The following SLC4A10 variants were observed in gnomAD, a reference collection of about 807,000 sequenced individuals.
The protein encoded by SLC4A10 is solute carrier family 4 member 10, also known as sodium-driven chloride bicarbonate exchanger.
SLC4A10 carries 42 observed loss-of-function variants against 137.7 expected under a neutral mutation model. That is an observed-to-expected ratio of 0.30 (90% CI 0.24 to 0.39). The LOEUF (loss-of-function observed/expected upper bound fraction) is 0.39. SLC4A10 is among the 10% of genes least tolerant of loss of function. The probability of loss-of-function intolerance (pLI) is 1.00; values close to 1 mark genes in which losing one functional copy is unlikely to be tolerated. For missense variants in SLC4A10, 925 were observed against 1,355.0 expected (o/e 0.68, Z 4.98); for synonymous variants, 474 against 464.1 (o/e 1.02, Z -0.27).
chr2:161,687,526 T>C (rs2041566972), intron 1 of SLC4A10, among the ~76,000 whole-genome samples: 1 of 152,206 alleles, frequency 6.6e-6, no homozygotes, highest in Non-Finnish European at 1.5e-5. Flanking sequence ...TATAGCAATT[T>C]AAAACTTTAA....
intron 1 of SLC4A10, among the ~76,000 whole-genome samples, chr2:161,755,960 G>A (rs896470767): frequency 2.0e-5 from 3 of 151,762 alleles, no homozygotes; most frequent in Admixed American, 6.6e-5. Context: ...TAGTAAAGAC[G>A]GGGTTTCTCC....
chr2:161,684,134 T>A (rs558976633), intron 1 of SLC4A10, among the ~76,000 whole-genome samples: 1 of 152,300 alleles, frequency 6.6e-6, no homozygotes, highest in African/African-American at 2.4e-5. Context: ...TGGAATCATA[T>A]AGTACTTGTC....
chr2:161,976,398 G>A (rs1210910895), intron 24 of SLC4A10, among the ~76,000 whole-genome samples: 4 of 152,126 alleles, frequency 2.6e-5, no homozygotes, highest in Non-Finnish European at 5.9e-5. Flanking sequence ...GAGGCACTTA[G>A]AGAAGTCAGA....
chr2:161,863,394 A>G (rs2060543502), intron 6 of SLC4A10, among the ~76,000 whole-genome samples: 1 of 152,208 alleles, frequency 6.6e-6, no homozygotes, highest in East Asian at 1.9e-4. Flanking sequence ...TGTAGCTTAA[A>G]AATGTAATGC....
intron 1 of SLC4A10, among the ~76,000 whole-genome samples, chr2:161,713,625 G>A (rs1011169426): frequency 6.6e-6 from 1 of 151,756 alleles, no homozygotes; most frequent in African/African-American, 2.4e-5. Context: ...AATCTAGTGG[G>A]ATCATTTTAA....
chr2:161,770,987 A>T lies in SLC4A10; in HGVS notation c.63A>T (p.Glu21Asp). The T allele has an allele frequency of 1.2e-6, 2 of 1,605,444 alleles. No homozygotes were observed. The highest frequency in any genetic ancestry group is 1.7e-4 in the Middle Eastern group (1 of 6,030). Residue 21 changes from glutamate to aspartate, a missense_variant, in exon 2 of 27, where the codon GAA becomes GAT. By Grantham distance (45) the Glu-to-Asp change is conservative. Coordinates refer to ENST00000446997, the MANE Select transcript of SLC4A10 (RefSeq NM_001178015.2). Reference sequence around the variant, plus strand: ...TCATTTAACAGAGAAATGATGAAGAAGCAGTTGTGGATAGAGGTGGAACTC... The same window carrying T: ...TCATTTAACAGAGAAATGATGAAGATGCAGTTGTGGATAGAGGTGGAACTC... ...EPLLPTRNDEEAVVDRGGTRS... is the reference protein window; with the variant it reads ...EPLLPTRNDEDAVVDRGGTRS...
intron 1 of SLC4A10, among the ~76,000 whole-genome samples, chr2:161,667,978 T>C (rs1201113882): frequency 6.6e-6 from 1 of 151,872 alleles, no homozygotes; most frequent in Non-Finnish European, 1.5e-5. Flanking sequence ...TCTTATTTTC[T>C]ATACTTATAA....
chr2:161,795,970 A>T (rs1356585450), intron 2 of SLC4A10, among the ~76,000 whole-genome samples: 2 of 151,986 alleles, frequency 1.3e-5, no homozygotes, highest in African/African-American at 4.8e-5. Flanking sequence ...GCAGGTTCTT[A>T]TACATAATTT....
chr2:161,700,658 CTG>C (rs1030937970), intron 1 of SLC4A10, among the ~76,000 whole-genome samples: 1 of 152,080 alleles, frequency 6.6e-6, no homozygotes, highest in Non-Finnish European at 1.5e-5. Context: ...ACAATATTAA[CTG>C]TATTTTACAG....
chr2:161,873,521 A>T (rs2061266104), intron 7 of SLC4A10, among the ~76,000 whole-genome samples: 1 of 128,488 alleles, frequency 7.8e-6, no homozygotes, highest in African/African-American at 3.0e-5. Flanking sequence ...ACAGAGTGAG[A>T]CCACATCTCA....
intron 2 of SLC4A10, among the ~76,000 whole-genome samples, chr2:161,774,365 T>C (rs1474967404): frequency 6.6e-6 from 1 of 151,964 alleles, no homozygotes; most frequent in Admixed American, 6.6e-5. Flanking sequence ...CTTTTTAGTA[T>C]AGGTACATCC....
chr2:161,958,399 T>C (rs2105875292), intron 20 of SLC4A10, 88 bp from the exon 21 acceptor site: 3 of 1,114,214 alleles, frequency 2.7e-6, no homozygotes, highest in Middle Eastern at 2.7e-4. Flanking sequence ...CAAAAATGCC[T>C]TTTTTCCCTG....
intron 1 of SLC4A10, among the ~76,000 whole-genome samples, chr2:161,745,726 T>C (rs1489384348): frequency 2.6e-5 from 4 of 152,194 alleles, no homozygotes; most frequent in Non-Finnish European, 5.9e-5. Flanking sequence ...TTCCAATTAT[T>C]CAAAGTGAAT....
intron 3 of SLC4A10, among the ~76,000 whole-genome samples, chr2:161,805,432 A>C (rs942202539): frequency 6.6e-6 from 1 of 152,180 alleles, no homozygotes; most frequent in African/African-American, 2.4e-5. Context: ...TTAATTCAAA[A>C]GTCTATAGTC....
intron 3 of SLC4A10, among the ~76,000 whole-genome samples, chr2:161,810,777 G>C (rs1342738233): frequency 6.6e-6 from 1 of 151,934 alleles, no homozygotes; most frequent in Non-Finnish European, 1.5e-5. Flanking sequence ...CTAGTATTTT[G>C]TTGAGGATTT....
At chr2:161,756,408 T>A (rs1464577163) in intron 1 of SLC4A10, among the ~76,000 whole-genome samples, 1 of 152,224 alleles carries the variant, frequency 6.6e-6, no homozygotes, top group African/African-American at 2.4e-5. Context: ...GTTTGTTTTC[T>A]TATTAGTTAG....
At chr2:161,679,295 G>C (rs1381637421) in intron 1 of SLC4A10, among the ~76,000 whole-genome samples, 1 of 151,982 alleles carries the variant, frequency 6.6e-6, no homozygotes, top group Non-Finnish European at 1.5e-5. Context: ...ATAGTCTAAG[G>C]TAATAAATCA....
intron 1 of SLC4A10, among the ~76,000 whole-genome samples, chr2:161,644,117 G>A (rs956367099): frequency 5.8e-5 from 8 of 138,882 alleles, no homozygotes; most frequent in Non-Finnish European, 1.1e-4. Flanking sequence ...ATACTTATAT[G>A]CATATATAGA....
At chr2:161,903,031 C>T (rs1442961344) in intron 12 of SLC4A10, among the ~76,000 whole-genome samples, 2 of 152,068 alleles carry the variant, frequency 1.3e-5, no homozygotes, top group Non-Finnish European at 2.9e-5. Flanking sequence ...ATCATTATTC[C>T]ATGGAGCAAA....
Sources: allele counts gnomAD v4.1 joint callset (sites outside exome capture counted in the v4.1 genomes callset), GRCh38; gene constraint gnomAD v4.1.1; transcripts MANE v1.5; gene names NCBI Gene and HGNC (gene_info 2026-07-23, HGNC 2026-07-21).